The following IGSF11 variants were observed in gnomAD, a reference collection of about 807,000 sequenced individuals.
The protein encoded by IGSF11 is CXADR like 1.
Under a neutral mutation model 41.0 loss-of-function variants are expected in IGSF11, and 22 were observed. The ratio of observed to expected loss-of-function variants is 0.54; its 90% CI spans 0.38 to 0.77. IGSF11 has a LOEUF of 0.77. Among genes scored for constraint, IGSF11 ranks in the 30% least tolerant of loss-of-function variants. The probability of loss-of-function intolerance (pLI) is 0.00; values close to 1 mark genes in which losing one functional copy is unlikely to be tolerated. For synonymous variants in IGSF11, 219 were observed against 201.3 expected, an observed-to-expected ratio of 1.09 and a Z score of -0.74; for missense variants, 444 against 530.8, an observed-to-expected ratio of 0.84 and a Z score of 1.61.
chr3:119,117,175 C>A (rs1281579869), intron 1 of IGSF11, among the ~76,000 whole-genome samples: 80 of 146,832 alleles, frequency 5.4e-4, no homozygotes, highest in African/African-American at 2.0e-3. Flanking sequence ...ACATGGAGGT[C>A]AAAACACAAA....
At chr3:119,054,496 T>A (rs547468829) in intron 1 of IGSF11, among the ~76,000 whole-genome samples, 11 of 152,262 alleles carry the variant, frequency 7.2e-5, no homozygotes, top group Admixed American at 2.6e-4. Flanking sequence ...ACCTTACTCC[T>A]GCAAGAACGG....
chr3:119,087,846 G>A (rs1282600507), intron 1 of IGSF11, among the ~76,000 whole-genome samples: 1 of 152,070 alleles, frequency 6.6e-6, no homozygotes, highest in East Asian at 1.9e-4. Context: ...ATTACATAAT[G>A]ATAAAGGGTA....
intron 1 of IGSF11, among the ~76,000 whole-genome samples, chr3:119,102,862 T>C (rs2076959398): frequency 6.6e-6 from 1 of 152,154 alleles, no homozygotes; most frequent in African/African-American, 2.4e-5. Flanking sequence ...CCTGAGCTCA[T>C]TTGTCAAGTC....
chr3:119,061,570 C>A (rs1364437494), intron 1 of IGSF11, among the ~76,000 whole-genome samples: 1 of 152,152 alleles, frequency 6.6e-6, no homozygotes, highest in Non-Finnish European at 1.5e-5. Flanking sequence ...GACAACCAAC[C>A]AACAACAAAT....
At chr3:119,024,117 TA>T (rs1036476759) in intron 1 of IGSF11, among the ~76,000 whole-genome samples, 8 of 152,060 alleles carry the variant, frequency 5.3e-5, no homozygotes, top group African/African-American at 1.9e-4. Context: ...GTGGTGGGAG[TA>T]AGGGGTTGGG....
chr3:119,011,115 C>T (rs1938065065), intron 1 of IGSF11, among the ~76,000 whole-genome samples: 2 of 152,178 alleles, frequency 1.3e-5, no homozygotes, highest in Non-Finnish European at 2.9e-5. Context: ...TACCTGAGGG[C>T]TCTGGCAAGT....
At chr3:118,904,528 C>T in intron 6 of IGSF11, 120 bp downstream of exon 6, 1 of 727,870 alleles carries the variant, frequency 1.4e-6, no homozygotes, top group South Asian at 1.9e-5. Context: ...TACCATTTAG[C>T]CACTTTAATA....
chr3:118,941,367 A>T (rs1943687996), intron 1 of IGSF11, among the ~76,000 whole-genome samples: 1 of 152,178 alleles, frequency 6.6e-6, no homozygotes, highest in Non-Finnish European at 1.5e-5. Context: ...GAGTAATAAC[A>T]TCCTGAAACG....
chr3:118,917,479 C>T (rs2107505087), intron 4 of IGSF11, among the ~76,000 whole-genome samples: 1 of 144,162 alleles, frequency 6.9e-6, no homozygotes. Flanking sequence ...CTACAAACAC[C>T]TCTACACAAA....
intron 1 of IGSF11, among the ~76,000 whole-genome samples, chr3:119,028,067 GA>G (rs564276057): frequency 6.6e-6 from 1 of 151,352 alleles, no homozygotes; most frequent in Non-Finnish European, 1.5e-5. Context: ...CTGGCCCAAA[GA>G]AAAAAAAGAC....
chr3:119,087,267 G>A (rs1195160780), intron 1 of IGSF11, among the ~76,000 whole-genome samples: 1 of 152,046 alleles, frequency 6.6e-6, no homozygotes, highest in African/African-American at 2.4e-5. Context: ...ATATGAAAAA[G>A]ATACTTGCAC....
chr3:119,094,076 G>A lies in IGSF11; in HGVS notation c.49+11068C>T, dbSNP rs191563750. On this transcript the variant is annotated intron_variant, in intron 1 of 6. Coordinates refer to the IGSF11 transcript ENST00000354673. ...ACCTCATGAGGTATAACATGTAGCA[G>A]GAATATATTGGCCGAGCTAATGATA... 9.3e-5 allele frequency among the ~76,000 whole-genome samples: 14 copies of A among 151,332 alleles called. No individual in the cohort carries two copies. In the East Asian group the frequency reaches 2.7e-3, roughly 30 times the overall value.
At chr3:118,908,437 T>C (rs923051000) in intron 4 of IGSF11, among the ~76,000 whole-genome samples, 15 of 152,072 alleles carry the variant, frequency 9.9e-5, no homozygotes, top group African/African-American at 2.2e-4. Context: ...CAAGGCAAAA[T>C]AGAGAAGAGA....
intron 4 of IGSF11, among the ~76,000 whole-genome samples, chr3:118,921,660 T>A (rs1576372494): frequency 6.6e-6 from 1 of 152,160 alleles, no homozygotes; most frequent in East Asian, 1.9e-4. Context: ...CAGTGATTCC[T>A]GGATTCAGGG....
chr3:118,939,406 T>C (rs1943513124), intron 1 of IGSF11, among the ~76,000 whole-genome samples: 1 of 151,910 alleles, frequency 6.6e-6, no homozygotes, highest in African/African-American at 2.4e-5. Context: ...CGAAACCCCA[T>C]CTCTACTAAA....
intron 1 of IGSF11, among the ~76,000 whole-genome samples, chr3:119,013,575 T>C (rs1006773765): frequency 2.6e-5 from 4 of 152,236 alleles, no homozygotes; most frequent in African/African-American, 9.6e-5. Context: ...TCGATTCTTT[T>C]GACAATGTTT....
intron 1 of IGSF11, among the ~76,000 whole-genome samples, chr3:119,079,576 G>A (rs60264065): frequency 0.12 from 18,625 of 152,090 alleles, 1,733 homozygotes; most frequent in South Asian, 0.27. Flanking sequence ...ATAGAGATAC[G>A]TGTACATGTG....
intron 1 of IGSF11, among the ~76,000 whole-genome samples, chr3:119,000,496 G>A (rs1181404790): frequency 6.6e-6 from 1 of 150,698 alleles, no homozygotes; most frequent in Non-Finnish European, 1.5e-5. Flanking sequence ...CAGTTGCTAG[G>A]ACCCAAATAT....
At chr3:119,106,996 A>G (rs551244407), upstream of IGSF11, among the ~76,000 whole-genome samples, 11 of 152,336 alleles carry the variant, frequency 7.2e-5, no homozygotes, top group Non-Finnish European at 1.6e-4. Flanking sequence ...ATTGTTGGAC[A>G]TTTGGGTTGG....
Sources: allele counts gnomAD v4.1 joint callset (sites outside exome capture counted in the v4.1 genomes callset), GRCh38; gene constraint gnomAD v4.1.1; transcripts MANE v1.5; gene names NCBI Gene and HGNC (gene_info 2026-07-23, HGNC 2026-07-21).